SMAP1: variants seen among roughly 807,000 people sequenced by gnomAD.
SMAP1 encodes stromal membrane-associated protein 1.
SMAP1 carries 24 observed loss-of-function variants against 58.5 expected under a neutral mutation model. The observed-to-expected ratio is 0.41, with a 90% CI of 0.30 to 0.58. SMAP1 has a LOEUF of 0.58. Ranked by LOEUF, SMAP1 falls within the 20% of genes least tolerant of loss-of-function variation. The pLI is 0.29. For missense variants in SMAP1, 563 were observed against 566.3 expected, an observed-to-expected ratio of 0.99 and a Z score of 0.06; for synonymous variants, 216 against 196.6, an observed-to-expected ratio of 1.10 and a Z score of -0.82.
Position 70,836,368 on chromosome 6 carries a change from C to T in SMAP1, c.577-573C>T, listed in dbSNP as rs1450164730. On this transcript the variant is annotated intron_variant, in intron 6 of 10. Coordinates refer to ENST00000370455, the MANE Select transcript of SMAP1 (RefSeq NM_001044305.3). The stretch of plus-strand genomic sequence containing the variant: ...ATCAACAGCACAGGAAAGACCCGCC[C>T]CCGTGATTTAATTACCTCCCACTGG... Among the ~76,000 whole-genome samples the T allele has an allele frequency of 2.6e-5, 4 of 152,000 alleles. 1 individual carries two copies. Among genetic ancestry groups the T allele is most frequent in the South Asian group, 4.2e-4 (2 of 4,812 alleles).
intron 1 of SMAP1, among the ~76,000 whole-genome samples, chr6:70,673,000 T>A (rs915303147): frequency 3.9e-5 from 6 of 151,990 alleles, no homozygotes; most frequent in African/African-American, 1.5e-4. Flanking sequence ...TAGTGAGGAT[T>A]GCAGGCAAAT....
chr6:70,799,352 C>T (rs1768746974), intron 6 of SMAP1, among the ~76,000 whole-genome samples: 1 of 152,064 alleles, frequency 6.6e-6, no homozygotes. Flanking sequence ...AATTCTAAAG[C>T]ACATGGTACT....
At chr6:70,753,375 T>C (rs1332049250) in intron 2 of SMAP1, among the ~76,000 whole-genome samples, 1 of 152,202 alleles carries the variant, frequency 6.6e-6, no homozygotes, top group Non-Finnish European at 1.5e-5. Flanking sequence ...GAACTGTATC[T>C]GAATTACTTT....
At chr6:70,818,852 A>G (rs910574204) in intron 6 of SMAP1, among the ~76,000 whole-genome samples, 2 of 152,184 alleles carry the variant, frequency 1.3e-5, no homozygotes, top group Non-Finnish European at 2.9e-5. Flanking sequence ...TACTTTTAAA[A>G]TATCAACTTT....
intron 1 of SMAP1, among the ~76,000 whole-genome samples, chr6:70,729,456 A>AGGG (rs1306621746): frequency 1.3e-4 from 7 of 55,630 alleles, no homozygotes; most frequent in African/African-American, 3.1e-4. Flanking sequence ...AAAAAAAAGA[A>AGGG]GGTTGTGTGT....
intron 7 of SMAP1, among the ~76,000 whole-genome samples, chr6:70,840,214 C>G (rs1770750929): frequency 6.6e-6 from 1 of 152,176 alleles, no homozygotes; most frequent in Non-Finnish European, 1.5e-5. Flanking sequence ...ATCCTTGGGA[C>G]TCACGGCCTT....
chr6:70,675,991 T>A (rs1009385459), intron 1 of SMAP1, among the ~76,000 whole-genome samples: 5 of 152,254 alleles, frequency 3.3e-5, no homozygotes, highest in African/African-American at 7.2e-5. Context: ...GTCTCCCTAA[T>A]AACCTTTGGC....
At chr6:70,671,638 C>T (rs889790075) in intron 1 of SMAP1, among the ~76,000 whole-genome samples, 10 of 152,180 alleles carry the variant, frequency 6.6e-5, no homozygotes, top group Non-Finnish European at 1.3e-4. Flanking sequence ...CGGTTTCTTC[C>T]CACTATCCCC....
At chr6:70,708,843 T>A (rs1049762889) in intron 1 of SMAP1, among the ~76,000 whole-genome samples, 9 of 152,164 alleles carry the variant, frequency 5.9e-5, no homozygotes, top group Non-Finnish European at 8.8e-5. Flanking sequence ...TAGTAAGTTT[T>A]AAAAAAAATT....
intron 1 of SMAP1, among the ~76,000 whole-genome samples, chr6:70,672,687 G>T (rs540656707): frequency 1.3e-5 from 2 of 152,246 alleles, no homozygotes; most frequent in South Asian, 4.1e-4. Context: ...GAATGAATGT[G>T]TGAATGAATG....
At chr6:70,734,774 C>T (rs886687874) in intron 2 of SMAP1, 4 of 152,968 alleles carry the variant, frequency 2.6e-5, no homozygotes, top group African/African-American at 9.6e-5. Context: ...CAGGATTGAC[C>T]CAGAGAAGCT....
intron 2 of SMAP1, among the ~76,000 whole-genome samples, chr6:70,753,372 A>G (rs1295600554): frequency 1.3e-5 from 2 of 152,126 alleles, no homozygotes; most frequent in South Asian, 2.1e-4. Context: ...AGTGAACTGT[A>G]TCTGAATTAC....
At chr6:70,797,581 A>G (rs1210659905) in intron 5 of SMAP1, among the ~76,000 whole-genome samples, 1 of 152,088 alleles carries the variant, frequency 6.6e-6, no homozygotes, top group Non-Finnish European at 1.5e-5. Flanking sequence ...CTTTATATGA[A>G]TGGTTGCAAA....
At chr6:70,725,655 T>C (rs1272055348) in intron 1 of SMAP1, among the ~76,000 whole-genome samples, 1 of 152,226 alleles carries the variant, frequency 6.6e-6, no homozygotes, top group Non-Finnish European at 1.5e-5. Context: ...CATCCACTAC[T>C]ATGATGCTGC....
Position 70,860,616 on chromosome 6 carries a change from T to G in SMAP1, c.*282T>G. 2.3e-6 allele frequency: 1 copy of G among 434,224 alleles called. No individual in the cohort carries two copies. 26.9% of individuals were successfully genotyped at this position (434,224 alleles called of 1,614,324 possible). A position where few individuals can be genotyped will look rare whatever the true frequency, so the allele number is the denominator to read the frequency against. On this transcript the variant is annotated 3_prime_UTR_variant, in exon 11 of 11. Coordinates refer to ENST00000370455, the MANE Select transcript of SMAP1 (RefSeq NM_001044305.3). Reference sequence around the variant, plus strand: ...GCTCAACTTGCAAAATCAGTTTTCCTCTCAATAAAATTATAGCTCTAATGT... The same window carrying G: ...GCTCAACTTGCAAAATCAGTTTTCCGCTCAATAAAATTATAGCTCTAATGT...
intron 6 of SMAP1, among the ~76,000 whole-genome samples, chr6:70,811,573 G>GAC (rs139108005): frequency 0.43 from 64,468 of 150,276 alleles, 14,062 homozygotes; most frequent in South Asian, 0.5. Flanking sequence ...CACCCCTGCT[G>GAC]ACACACACAC....
In SMAP1 at chr6:70,857,043, G is replaced by T; in HGVS notation, c.961+13G>T. The T allele has an allele frequency of 6.3e-7, 1 of 1,587,572 alleles. No individual in the cohort carries two copies. The highest frequency in any genetic ancestry group is 1.2e-5 in the South Asian group (1 of 86,094). ...CAAAGTACTCCTGGTAATGAATTTT[G>T]ATATCTGCTTTCAGTGACATTACTA... On this transcript the variant is annotated intron_variant, in intron 9 of 10. Transcript: ENST00000370455.
intron 4 of SMAP1, among the ~76,000 whole-genome samples, chr6:70,791,045 T>C (rs1202299144): frequency 6.6e-6 from 1 of 152,222 alleles, no homozygotes; most frequent in Non-Finnish European, 1.5e-5. Flanking sequence ...TGTCTCATAA[T>C]GCTTTGGGGT....
intron 7 of SMAP1, among the ~76,000 whole-genome samples, chr6:70,849,051 CAAAA>C (rs1448175234): frequency 1.3e-5 from 2 of 152,114 alleles, no homozygotes; most frequent in African/African-American, 4.8e-5. Flanking sequence ...GGAGTAGAGA[CAAAA>C]GAGGGGCAGG....
Sources: gnomAD v4.1 joint callset for allele counts (sites outside exome capture counted in the v4.1 genomes callset) on GRCh38, gnomAD v4.1.1 for gene constraint, MANE v1.5 for transcripts, NCBI Gene and HGNC (gene_info 2026-07-23, HGNC 2026-07-21) for gene names.